MTUS2: variants seen among roughly 807,000 people sequenced by gnomAD.
The protein encoded by MTUS2 is microtubule associated scaffold protein 2.
A neutral mutation model predicts 114.1 loss-of-function variants in MTUS2; 40 were observed. That is an observed-to-expected ratio of 0.35 (90% confidence interval 0.27 to 0.46). The LOEUF is 0.46. Ranked by LOEUF, MTUS2 falls within the 20% of genes least tolerant of loss-of-function variation. The probability of loss-of-function intolerance (pLI) is 1.00; values close to 1 mark genes in which losing one functional copy is unlikely to be tolerated. For synonymous variants in MTUS2, 688 were observed against 672.0 expected, an observed-to-expected ratio of 1.02 and a Z score of -0.37; for missense variants, 1,679 against 1,705.4, an observed-to-expected ratio of 0.98 and a Z score of 0.27.
At chr13:28,929,861 C>A (rs1402513237) in intron 2 of MTUS2, among the ~76,000 whole-genome samples, 1 of 152,094 alleles carries the variant, frequency 6.6e-6, no homozygotes, top group African/African-American at 2.4e-5. Flanking sequence ...AGTATATGAT[C>A]ATTTTTGAGG....
chr13:29,012,959 C>G (rs1417606406), intron 2 of MTUS2, among the ~76,000 whole-genome samples: 1 of 152,172 alleles, frequency 6.6e-6, no homozygotes, highest in African/African-American at 2.4e-5. Context: ...GTGTGAGTTA[C>G]TAGGCCAAGT....
At chr13:29,375,598 T>A (rs1871618698) in intron 8 of MTUS2, among the ~76,000 whole-genome samples, 2 of 4,330 alleles carry the variant, frequency 4.6e-4, no homozygotes, top group Admixed American at 3.6e-3. Context: ...CGTATATATA[T>A]ATATATATAC....
At chr13:28,845,619 C>A (rs1015073435) in intron 2 of MTUS2, among the ~76,000 whole-genome samples, 1 of 150,898 alleles carries the variant, frequency 6.6e-6, no homozygotes, top group Non-Finnish European at 1.5e-5. Flanking sequence ...GGACTGGCTT[C>A]GTGGTAGAGG....
intron 5 of MTUS2, among the ~76,000 whole-genome samples, chr13:29,132,301 C>T (rs764489922): frequency 5.1e-4 from 78 of 152,332 alleles, no homozygotes; most frequent in Admixed American, 1.4e-3. Context: ...CTATAAATTA[C>T]TGTCATTGCA....
rs1473273747 is a variant in MTUS2, at chr13:29,100,781, A to G, written c.2455A>G (p.Lys819Glu). 3.9e-6 allele frequency: 6 copies of G among 1,551,398 alleles called. No homozygotes were observed. The highest frequency in any genetic ancestry group is 5.2e-6 in the Non-Finnish European group (6 of 1,147,002). The change falls in exon 5 of 16, where the codon AAG becomes GAG. Residue 819 changes from lysine (K) to glutamate (E), a missense_variant. Physicochemically the swap from Lys to Glu is moderately conservative, Grantham distance 56. Coordinates refer to ENST00000612955, the MANE Select transcript of MTUS2 (RefSeq NM_001033602.4). ...LYSSDPSADL[K>E]KASSSNAAKS... is the part of the protein sequence containing the mutation. ...ATTTGGGTTCGTTTTAGCAGATTTA[A>G]AGAAAGCTTCCAGTTCAAATGCTGC...
At chr13:29,403,488 A>G (rs916486481) in intron 8 of MTUS2, among the ~76,000 whole-genome samples, 7 of 152,184 alleles carry the variant, frequency 4.6e-5, no homozygotes, top group Admixed American at 2.6e-4. Context: ...GGTTGTGTCT[A>G]TGAGGGTGTA....
At chr13:29,040,578 A>G (rs897350683) in intron 4 of MTUS2, among the ~76,000 whole-genome samples, 2 of 152,192 alleles carry the variant, frequency 1.3e-5, no homozygotes, top group African/African-American at 2.4e-5. Context: ...CATTCCCACC[A>G]GCAGTATATA....
intron 5 of MTUS2, among the ~76,000 whole-genome samples, chr13:29,272,664 A>G (rs910747559): frequency 2.6e-5 from 4 of 152,198 alleles, no homozygotes; most frequent in African/African-American, 9.7e-5. Context: ...GTAGGGGGAT[A>G]TCAAGTGACC....
intron 7 of MTUS2, among the ~76,000 whole-genome samples, chr13:29,340,643 C>A (rs1000378251): frequency 7.9e-5 from 12 of 151,856 alleles, no homozygotes; most frequent in African/African-American, 2.9e-4. Flanking sequence ...TCTTTTTTTG[C>A]TTTTATTTTT....
At chr13:29,423,432 G>A (rs1312871259) in intron 8 of MTUS2, among the ~76,000 whole-genome samples, 1 of 152,208 alleles carries the variant, frequency 6.6e-6, no homozygotes, top group African/African-American at 2.4e-5. Flanking sequence ...TACATAAGAT[G>A]AGCCTAGGAT....
chr13:29,172,224 C>T (rs984652756), intron 5 of MTUS2, among the ~76,000 whole-genome samples: 2 of 152,192 alleles, frequency 1.3e-5, no homozygotes, highest in African/African-American at 4.8e-5. Context: ...GTTTACTGAG[C>T]CTCAATCCCA....
chr13:29,331,445 C>T (rs1182529704), intron 7 of MTUS2, among the ~76,000 whole-genome samples: 3 of 152,078 alleles, frequency 2.0e-5, no homozygotes, highest in African/African-American at 7.2e-5. Context: ...GCCTGATTGC[C>T]CTGGCTAGAG....
intron 14 of MTUS2, among the ~76,000 whole-genome samples, chr13:29,499,013 C>A (rs1464531174): frequency 6.6e-6 from 1 of 152,142 alleles, no homozygotes; most frequent in Admixed American, 6.5e-5. Context: ...GCAGAAGGGG[C>A]CAGGGATCTC....
chr13:28,825,143 G>T (rs1429901514), intron 1 of MTUS2, among the ~76,000 whole-genome samples: 3 of 152,188 alleles, frequency 2.0e-5, no homozygotes, highest in African/African-American at 7.2e-5. Flanking sequence ...CACTGGTGTT[G>T]TTCTTGGGGC....
In MTUS2 at chr13:29,497,303, G is replaced by C; in HGVS notation, c.3645G>C (p.Glu1215Asp). 1.2e-6 allele frequency: 2 copies of C among 1,612,088 alleles called. No individual in the cohort carries two copies. Among genetic ancestry groups the C allele is most frequent in the Non-Finnish European group, 8.5e-7 (1 of 1,179,924 alleles). Residue 1215 changes from glutamate to aspartate, a missense_variant, in exon 13 of 16, where the codon GAG becomes GAC. By Grantham distance (45) the Glu-to-Asp change is conservative. Around this residue, in one of 3 missense-constraint regions of MTUS2, gnomAD observed 822 missense variants for 899.7 expected, o/e 0.91. Coordinates refer to ENST00000612955, the MANE Select transcript of MTUS2 (RefSeq NM_001033602.4). ...GGGACAGAGCCCGCCGCTTCGAAGA[G>C]GCCTTGAGGAAGAACACAGAGGAGC... ...SLRDRARRFE[E>D]ALRKNTEEQL...
rs554873919 is a variant in MTUS2, at chr13:28,860,110, A to T, written c.-243+20260A>T. On this transcript the variant is annotated intron_variant, in intron 2 of 15. Coordinates refer to ENST00000612955, the MANE Select transcript of MTUS2 (RefSeq NM_001033602.4). Reference sequence around the variant, plus strand: ...TTGCCATGTGCTATGATGTTCTGCCATCTGCAGGGAGAGCTTCCATTTGGA... The same window carrying T: ...TTGCCATGTGCTATGATGTTCTGCCTTCTGCAGGGAGAGCTTCCATTTGGA... Among the ~76,000 whole-genome samples the T allele has an allele frequency of 4.7e-4, 71 of 152,328 alleles. 1 individual carries two copies. In the South Asian group the frequency reaches 0.015, roughly 32 times the overall value.
chr13:29,202,081 T>A (rs1424965266), intron 5 of MTUS2, among the ~76,000 whole-genome samples: 2 of 152,194 alleles, frequency 1.3e-5, no homozygotes, highest in Non-Finnish European at 2.9e-5. Flanking sequence ...TTCTCCTGAA[T>A]AATATCCTGA....
At chr13:29,452,864 A>G (rs1054068685) in intron 9 of MTUS2, among the ~76,000 whole-genome samples, 1 of 152,204 alleles carries the variant, frequency 6.6e-6, no homozygotes, top group African/African-American at 2.4e-5. Context: ...TTCTGGAAAC[A>G]GAGTCAGCTG....
intron 2 of MTUS2, among the ~76,000 whole-genome samples, chr13:28,891,587 G>C (rs1267604242): frequency 1.3e-5 from 2 of 151,956 alleles, no homozygotes; most frequent in African/African-American, 4.8e-5. Flanking sequence ...AAATAAATAA[G>C]AATAACAACA....
Sources: allele counts gnomAD v4.1 joint callset (sites outside exome capture counted in the v4.1 genomes callset), GRCh38; gene constraint gnomAD v4.1.1; regional missense constraint gnomAD v4.1.1; transcripts MANE v1.5; gene names NCBI Gene and HGNC (gene_info 2026-07-23, HGNC 2026-07-21).